PLEC: variants seen among roughly 807,000 people sequenced by gnomAD.
PLEC encodes plectin.
PLEC carries 216 observed loss-of-function variants against 392.8 expected under a neutral mutation model. The ratio of observed to expected loss-of-function variants is 0.55; its 90% CI spans 0.49 to 0.62. PLEC has a LOEUF of 0.62. Among genes scored for constraint, PLEC ranks in the 20% least tolerant of loss-of-function variants. The pLI is 0.00. For synonymous variants in PLEC, 3,621 were observed against 2,980.6 expected (o/e 1.21, Z -7.00); for missense variants, 6,863 against 6,563.4 (o/e 1.05, Z -1.58).
At chr8:143,949,544 T>G (rs1554734252) in intron 1 of PLEC, among the ~76,000 whole-genome samples, 1 of 152,068 alleles carries the variant, frequency 6.6e-6, no homozygotes, top group Non-Finnish European at 1.5e-5. Flanking sequence ...GAAAGGCCTA[T>G]CTAGGCCCCA....
Position 143,920,650 on chromosome 8 carries a change from CAG to C in PLEC, c.9169_9170del (p.Leu3057ValfsTer36). On this transcript the variant is annotated frameshift_variant, in exon 32 of 32. Transcript: ENST00000345136. LOFTEE classifies it high-confidence loss of function. ...DLLPSDMAVA[L>X]LEAQAGTGHI... Reference sequence around the variant, plus strand: ...GCCCGGTGCCGGCCTGGGCTTCCAACAGGGCCACGGCCATGTCGGATGGCAGC... The same window carrying C: ...GCCCGGTGCCGGCCTGGGCTTCCAACGGCCACGGCCATGTCGGATGGCAGC... The C allele has an allele frequency of 6.2e-7, 1 of 1,604,920 alleles. No homozygotes were observed.
At chr8:143,933,474 G>A in intron 12 of PLEC, 123 bp from the exon 13 acceptor site, 1 of 1,173,006 alleles carries the variant, frequency 8.5e-7, no homozygotes, top group Non-Finnish European at 1.3e-6. Flanking sequence ...CTCCATCCCT[G>A]TCCTTCCCCT....
chr8:143,971,741 C>T (rs911167117), intron 1 of PLEC, among the ~76,000 whole-genome samples: 9 of 152,172 alleles, frequency 5.9e-5, no homozygotes, highest in African/African-American at 1.9e-4. Flanking sequence ...CACACACATG[C>T]GGGCAGCTGC....
rs1554678479 is a variant in PLEC at position 143,919,512 on chromosome 8, T to C, written c.10309A>G (p.Arg3437Gly). ...ATGGTGCTGCCCGAGTAGGGGTCTC[T>C]GTAGCCGGTGACGGCCTTCTCGGCA... is the stretch of plus-strand genomic sequence containing the variant. The part of the protein sequence containing the change: ...LSAEKAVTGY[R>G]DPYSGSTISL... The change falls in exon 32 of 32, where the codon AGA becomes GGA. Residue 3437 changes from arginine (R) to glycine (G), a missense_variant. Arg to Gly is a moderately radical substitution (Grantham distance 125, BLOSUM62 -2). Transcript: ENST00000345136. The C allele has an allele frequency of 1.2e-6, 2 of 1,612,502 alleles. No individual in the cohort carries two copies. The highest frequency in any genetic ancestry group is 2.2e-5 in the South Asian group (2 of 91,086).
chr8:143,952,204 ACACACGCG>A (rs1287502380), upstream of PLEC, among the ~76,000 whole-genome samples: 231 of 126,034 alleles, frequency 1.8e-3, no homozygotes, highest in African/African-American at 7.5e-3. Context: ...ACACACACAC[ACACACGCG>A]CGCACACACG....
At position 143,929,235 on chromosome 8, in the gene PLEC, A is replaced by C. The variant is rs1258665254; in HGVS notation, c.3128T>G (p.Leu1043Arg). The change falls in exon 25 of 32, where the codon CTC (leucine) becomes CGC (arginine). Residue 1043 changes from leucine to arginine, a missense_variant. By Grantham distance (102) the Leu-to-Arg change is moderately radical. Transcript: ENST00000345136. ...CAAGACCTTCTCGGCCTCGGCAGAG[A>C]GCCGGGCGACCCCCTTGCCCAGCCC... ...VEGLGKGVARLSAEAEKVLAL... is the reference protein window; with the variant it reads ...VEGLGKGVARRSAEAEKVLAL... 6.2e-7 allele frequency: 1 copy of C among 1,602,366 alleles called. No homozygotes were observed. Among genetic ancestry groups the C allele is most frequent in the Non-Finnish European group, 8.5e-7 (1 of 1,179,262 alleles).
upstream of PLEC, among the ~76,000 whole-genome samples, chr8:143,974,992 C>T (rs552138907): frequency 1.3e-5 from 2 of 152,348 alleles, no homozygotes; most frequent in Admixed American, 6.5e-5. The surrounding 1 kb of genome is among the most constrained non-coding windows in gnomAD (Gnocchi z 5.9). Context: ...CATGAACCGC[C>T]TGGGCGCGGC....
intron 17 of PLEC, 31 bp downstream of exon 17, chr8:143,932,099 C>T (rs782419680): frequency 3.4e-5 from 54 of 1,588,702 alleles, no homozygotes; most frequent in Middle Eastern, 2.2e-4. Context: ...CGGCCCCCCC[C>T]GCAGCCCCGC....
Position 143,920,309 on chromosome 8 carries a change from A to C in PLEC, c.9512T>G (p.Leu3171Arg). Residue 3171 changes from leucine to arginine, a missense_variant, in exon 32 of 32, where the codon CTG becomes CGG. By Grantham distance (102) the Leu-to-Arg change is moderately radical. Transcript: ENST00000345136. ...GCLDEETSRA[L>R]SAPRADAKAY... ...CTTGGCGTCGGCCCTTGGTGCCGAC[A>C]GGGCCCTGCTGGTCTCCTCATCCAG... is the stretch of plus-strand genomic sequence containing the variant. The C allele has an allele frequency of 6.3e-7, 1 of 1,591,270 alleles. No individual in the cohort carries two copies. Among genetic ancestry groups the C allele is most frequent in the Non-Finnish European group, 8.5e-7 (1 of 1,174,816 alleles).
At chr8:143,940,655 C>G (rs2132387598), upstream of PLEC, among the ~76,000 whole-genome samples, 1 of 152,334 alleles carries the variant, frequency 6.6e-6, no homozygotes. Context: ...AATGTTCCAG[C>G]CGCACATCAG....
At chr8:143,955,669 G>A (rs1298913454), upstream of PLEC, among the ~76,000 whole-genome samples, 2 of 151,792 alleles carry the variant, frequency 1.3e-5, no homozygotes, top group Non-Finnish European at 2.9e-5. Flanking sequence ...GCTCAATCAC[G>A]GCTCACAGCA....
rs782571969 is a variant in PLEC at position 143,933,187 on chromosome 8, C to T, written c.1418+10G>A. On this transcript the variant is annotated intron_variant, in intron 13 of 31. Transcript: ENST00000345136. ...TACCTGGGCTTCAGGGAGGGCAGGG[C>T]GGGGCCCACCTGCGGTACATCTGCT... is the stretch of plus-strand genomic sequence containing the variant. 1.3e-5 allele frequency: 11 copies of T among 847,268 alleles called. No homozygotes were observed. Among genetic ancestry groups the T allele is most frequent in the African/African-American group, 6.6e-5 (4 of 60,194 alleles). The allele number at this position is 847,268 out of a possible 1,614,324, so 52.5% of individuals were successfully genotyped here. A position where few individuals can be genotyped will look rare whatever the true frequency, so the allele number is the denominator to read the frequency against.
At chr8:143,926,356 A>T (rs1267277789) in intron 30 of PLEC, among the ~76,000 whole-genome samples, 4 of 152,180 alleles carry the variant, frequency 2.6e-5, no homozygotes, top group African/African-American at 9.6e-5. Context: ...CCAACTCGGA[A>T]GAGGATTCAG....
rs201845757 is a variant in PLEC at position 143,923,441 on chromosome 8, G to C, written c.6488C>G (p.Ala2163Gly). 64 of 1,609,228 alleles carry C rather than the reference G, an allele frequency of 4.0e-5. No individual in the cohort carries two copies. The Admixed American group carries it at 8.8e-4, about 22-fold the overall frequency. ...EQAALRQKQAADAEMEKHKKF... is the reference protein window; with the variant it reads ...EQAALRQKQAGDAEMEKHKKF... ...CTTATGCTTCTCCATCTCCGCGTCA[G>C]CTGCCTGCTTCTGCCGCAGGGCCGC... Residue 2163 changes from alanine to glycine, a missense_variant, in exon 31 of 32, where the codon GCT becomes GGT. Physicochemically the swap from Ala to Gly is moderately conservative, Grantham distance 60 (BLOSUM62 0). Coordinates refer to ENST00000345136, the MANE Select transcript of PLEC (RefSeq NM_201384.3).
Position 143,973,319 on chromosome 8 carries a change from C to T in PLEC, c.70+84G>A. 6.7e-7 allele frequency: 1 copy of T among 1,503,540 alleles called. No homozygotes were observed. The highest frequency in any genetic ancestry group is 1.4e-5 in the African/African-American group (1 of 69,750). 93.1% of individuals were successfully genotyped at this position (1,503,540 alleles called of 1,614,324 possible). On this transcript the variant is annotated intron_variant, in intron 1 of 31. Coordinates refer to the PLEC transcript ENST00000356346. This position sits in a 1 kb window ranked among gnomAD's most constrained non-coding sequence, Gnocchi z 5.6. Reference sequence around the variant, plus strand: ...GAGTGGCCGCGCTCGGGCCGGCGATCGGGACCGCCACCGTGGACGACAAGG... The same window carrying T: ...GAGTGGCCGCGCTCGGGCCGGCGATTGGGACCGCCACCGTGGACGACAAGG...
Position 143,921,360 on chromosome 8 carries a change from T to A in PLEC, c.8461A>T (p.Ser2821Cys), listed in dbSNP as rs1425678539. ...ATGGVIDPVH[S>C]HRVPVDVAYR... is the part of the protein sequence containing the mutation. ...GCCACGTCCACGGGCACGCGGTGGC[T>A]GTGCACGGGGTCGATAACGCCGCCC... Residue 2821 changes from serine to cysteine, a missense_variant, in exon 32 of 32, where the codon AGC becomes TGC. Coordinates refer to ENST00000345136, the MANE Select transcript of PLEC (RefSeq NM_201384.3). 1.4e-5 allele frequency: 23 copies of A among 1,613,476 alleles called. No homozygotes were observed. The highest frequency in any genetic ancestry group is 1.9e-5 in the Non-Finnish European group (22 of 1,179,892).
Position 143,948,782 on chromosome 8 carries a change from G to A in PLEC, c.523+1402C>T, listed in dbSNP as rs556969204. ...ACGGACAAGGAAGGAGAAAAAGGAG[G>A]GGAGGGACTCCCAGTCACCACAGCT... On this transcript the variant is annotated intron_variant, in intron 1 of 31. Coordinates refer to the PLEC transcript ENST00000322810. Among the ~76,000 whole-genome samples, 6 of 152,354 alleles carry A rather than the reference G, an allele frequency of 3.9e-5. No homozygotes were observed. In the South Asian group the frequency reaches 1.2e-3, roughly 32 times the overall value.
Position 143,930,013 on chromosome 8 carries a change from C to A in PLEC, c.2662G>T (p.Val888Leu), listed in dbSNP as rs377225173. The part of the protein sequence containing the change: ...ALVTLWHQLH[V>L]DMKSLLAWQS... ...CAGGCCAGAAGGCTCTTCATGTCCA[C>A]GTGCAACTGGTGCCACAGCGTGACC... Residue 888 changes from valine (V) to leucine (L), a missense_variant, in exon 22 of 32, where the codon GTG (valine) becomes TTG (leucine). Val to Leu is a conservative substitution (Grantham distance 32, BLOSUM62 1). Transcript: ENST00000345136. 5 of 1,612,290 alleles carry A rather than the reference C, an allele frequency of 3.1e-6. No individual in the cohort carries two copies. Among genetic ancestry groups the A allele is most frequent in the Non-Finnish European group, 4.2e-6 (5 of 1,179,776 alleles).
chr8:143,919,184 G>C lies in PLEC; in HGVS notation c.10637C>G (p.Ala3546Gly). 1 of 1,613,582 alleles carries C rather than the reference G, an allele frequency of 6.2e-7. No individual in the cohort carries two copies. Among genetic ancestry groups the C allele is most frequent in the Non-Finnish European group, 8.5e-7 (1 of 1,179,982 alleles). Residue 3546 changes from alanine (A) to glycine (G), a missense_variant, in exon 32 of 32, where the codon GCG becomes GGG. By Grantham distance (60) the Ala-to-Gly change is moderately conservative. Transcript: ENST00000345136. ...TGLRLLPLKG[A>G]EKAEVVETTQ... ...GGTCTCCACCACCTCAGCCTTCTCC[G>C]CCCCTTTCAGTGGCAGAAGGCGCAA...
Sources: allele counts gnomAD v4.1 joint callset (sites outside exome capture counted in the v4.1 genomes callset), GRCh38; gene constraint gnomAD v4.1.1; non-coding constraint Gnocchi (gnomAD v3.1); transcripts MANE v1.5; gene names NCBI Gene and HGNC (gene_info 2026-07-23, HGNC 2026-07-21).